The following LRBA variants were observed in gnomAD, a reference collection of about 807,000 sequenced individuals.
The protein encoded by LRBA is LPS responsive beige-like anchor protein, also known as lipopolysaccharide-responsive and beige-like anchor protein.
LRBA carries 176 observed loss-of-function variants against 330.0 expected under a neutral mutation model. The observed-to-expected ratio is 0.53, with a 90% CI of 0.47 to 0.60. LRBA has a LOEUF of 0.60. Among genes scored for constraint, LRBA ranks in the 20% least tolerant of loss-of-function variants. The probability of loss-of-function intolerance (pLI) is 0.00; values close to 1 mark genes in which losing one functional copy is unlikely to be tolerated. For synonymous variants in LRBA, 1,230 were observed against 1,193.0 expected (o/e 1.03, Z -0.64); for missense variants, 3,259 against 3,444.8 (o/e 0.95, Z 1.35).
chr4:150,751,479 T>C (rs1733544679), intron 35 of LRBA, among the ~76,000 whole-genome samples: 2 of 152,098 alleles, frequency 1.3e-5, no homozygotes, highest in Non-Finnish European at 2.9e-5. Flanking sequence ...CTTATCTATA[T>C]GCCTATTTTC....
chr4:150,831,198 TTC>T (rs1491307598), intron 29 of LRBA, among the ~76,000 whole-genome samples: 1 of 148,996 alleles, frequency 6.7e-6, no homozygotes, highest in Non-Finnish European at 1.5e-5. Flanking sequence ...CTTTATTACT[TTC>T]TTTTTTTTTT....
intron 37 of LRBA, among the ~76,000 whole-genome samples, chr4:150,602,900 T>C (rs1334856608): frequency 3.9e-5 from 6 of 152,192 alleles, no homozygotes; most frequent in Non-Finnish European, 5.9e-5. Flanking sequence ...AATATAAGCA[T>C]GGATAAGATC....
chr4:150,452,613 CTCCA>C (rs926654722), intron 44 of LRBA, among the ~76,000 whole-genome samples: 3 of 142,986 alleles, frequency 2.1e-5, no homozygotes, highest in African/African-American at 7.8e-5. Flanking sequence ...CAGAGCACGA[CTCCA>C]TCTCAAAGGA....
intron 47 of LRBA, among the ~76,000 whole-genome samples, chr4:150,364,543 A>C (rs1220884390): frequency 2.0e-5 from 3 of 152,186 alleles, no homozygotes; most frequent in African/African-American, 7.2e-5. Flanking sequence ...AAAATATGAA[A>C]CCACTACATA....
intron 40 of LRBA, among the ~76,000 whole-genome samples, chr4:150,561,510 T>C (rs1386565040): frequency 6.6e-6 from 1 of 152,142 alleles, no homozygotes; most frequent in Non-Finnish European, 1.5e-5. Flanking sequence ...TACCTTAAAG[T>C]ACAAGAGGGT....
At chr4:150,977,085 G>A (rs975143881) in intron 2 of LRBA, among the ~76,000 whole-genome samples, 1 of 152,184 alleles carries the variant, frequency 6.6e-6, no homozygotes, top group Non-Finnish European at 1.5e-5. Flanking sequence ...TGTGCTCTGA[G>A]TCCACTGGCT....
chr4:150,313,705 A>G (rs1731353520), intron 51 of LRBA, among the ~76,000 whole-genome samples: 1 of 151,946 alleles, frequency 6.6e-6, no homozygotes, highest in South Asian at 2.1e-4. Flanking sequence ...TATCTGAAAC[A>G]CTTGGGACCA....
At chr4:150,372,084 A>T (rs372509031) in intron 47 of LRBA, among the ~76,000 whole-genome samples, 1 of 152,206 alleles carries the variant, frequency 6.6e-6, no homozygotes, top group Non-Finnish European at 1.5e-5. Flanking sequence ...ATTATCTCTT[A>T]TTCTATCAGT....
At chr4:150,294,646 A>G (rs1190109612) in intron 53 of LRBA, among the ~76,000 whole-genome samples, 1 of 152,208 alleles carries the variant, frequency 6.6e-6, no homozygotes, top group Non-Finnish European at 1.5e-5. Context: ...ACCCATTAGT[A>G]TCATATAAGT....
intron 47 of LRBA, among the ~76,000 whole-genome samples, chr4:150,403,068 T>G (rs962749295): frequency 6.6e-6 from 1 of 152,212 alleles, no homozygotes; most frequent in African/African-American, 2.4e-5. Flanking sequence ...AGCAGTCATT[T>G]ATCGGGTAAC....
chr4:150,919,103 C>A (rs1318885455), intron 5 of LRBA, among the ~76,000 whole-genome samples: 1 of 152,110 alleles, frequency 6.6e-6, no homozygotes, highest in Non-Finnish European at 1.5e-5. Flanking sequence ...ACATGCTGTA[C>A]CATGGATGGA....
chr4:150,796,153 T>C (rs1279059174), intron 34 of LRBA, among the ~76,000 whole-genome samples: 3 of 151,918 alleles, frequency 2.0e-5, no homozygotes, highest in African/African-American at 7.2e-5. Context: ...AAAAAAATTA[T>C]CAATCAAACT....
chr4:150,817,860 A>C (rs533361014), intron 30 of LRBA, among the ~76,000 whole-genome samples: 1 of 152,094 alleles, frequency 6.6e-6, no homozygotes, highest in Non-Finnish European at 1.5e-5. Flanking sequence ...AAAATGTAAT[A>C]CTTTATACCA....
intron 37 of LRBA, among the ~76,000 whole-genome samples, chr4:150,661,967 A>C (rs1359210004): frequency 6.6e-6 from 1 of 152,032 alleles, no homozygotes; most frequent in Non-Finnish European, 1.5e-5. Context: ...CATGATTCCT[A>C]TTACCATAGT....
chr4:150,477,524 TG>T (rs1756849143), intron 42 of LRBA, among the ~76,000 whole-genome samples: 1 of 151,916 alleles, frequency 6.6e-6, no homozygotes, highest in Non-Finnish European at 1.5e-5. Flanking sequence ...GAGAACAACA[TG>T]GGGGAAACTG....
intron 40 of LRBA, among the ~76,000 whole-genome samples, chr4:150,508,559 AT>A (rs1332663327): frequency 2.0e-5 from 3 of 152,172 alleles, no homozygotes; most frequent in Non-Finnish European, 4.4e-5. Context: ...AAAGTGTGGG[AT>A]TATAGGCAGG....
chr4:150,581,456 G>T, intron 40 of LRBA: 1 of 330,958 alleles, frequency 3.0e-6, no homozygotes, highest in African/African-American at 2.2e-5. Flanking sequence ...TCCTTTCCCA[G>T]ATTCCCCTTT....
intron 51 of LRBA, 44 bp downstream of exon 51, chr4:150,315,517 A>C: frequency 1.3e-6 from 2 of 1,509,754 alleles, no homozygotes; most frequent in Non-Finnish European, 1.8e-6. Context: ...CAGGGCCACC[A>C]TACAGAGCTT....
chr4:150,850,141 C>A (rs947676867), intron 24 of LRBA, among the ~76,000 whole-genome samples: 1 of 150,896 alleles, frequency 6.6e-6, no homozygotes, highest in African/African-American at 2.4e-5. Context: ...TCGCCCAGGC[C>A]GGAGTGCAGT....
Sources: gnomAD v4.1 joint callset for allele counts (sites outside exome capture counted in the v4.1 genomes callset) on GRCh38, gnomAD v4.1.1 for gene constraint, MANE v1.5 for transcripts, NCBI Gene and HGNC (gene_info 2026-07-23, HGNC 2026-07-21) for gene names.